PDE7B: variants seen among roughly 807,000 people sequenced by gnomAD.
PDE7B encodes the protein 3',5'-cyclic-AMP phosphodiesterase 7B.
In PDE7B, 29 loss-of-function variants were observed where a neutral mutation model predicts 56.2. The ratio of observed to expected loss-of-function variants is 0.52; its 90% CI spans 0.38 to 0.70. The LOEUF is 0.70. PDE7B is among the 30% of genes least tolerant of loss of function. The probability of loss-of-function intolerance (pLI) is 0.00; values close to 1 mark genes in which losing one functional copy is unlikely to be tolerated. For missense variants in PDE7B, 490 were observed against 565.0 expected, an observed-to-expected ratio of 0.87 and a Z score of 1.35; for synonymous variants, 197 against 196.9, an observed-to-expected ratio of 1.00 and a Z score of 0.00.
intron 8 of PDE7B, among the ~76,000 whole-genome samples, chr6:136,168,529 G>A (rs1171056714): frequency 2.6e-5 from 4 of 152,126 alleles, no homozygotes; most frequent in African/African-American, 9.7e-5. Flanking sequence ...AGTGATTAGG[G>A]AGAATGTAAA....
At chr6:135,898,856 A>G (rs1231047570) in intron 1 of PDE7B, among the ~76,000 whole-genome samples, 4 of 152,146 alleles carry the variant, frequency 2.6e-5, no homozygotes, top group Non-Finnish European at 5.9e-5. Flanking sequence ...TGGCAAATGT[A>G]TTAAACCTTT....
At chr6:136,011,365 T>G (rs1268165047) in intron 2 of PDE7B, among the ~76,000 whole-genome samples, 1 of 152,196 alleles carries the variant, frequency 6.6e-6, no homozygotes, top group Non-Finnish European at 1.5e-5. Context: ...CTTTGCAGAG[T>G]AAGACTGACT....
rs538583677 is a variant in PDE7B at position 135,865,605 on chromosome 6, G to A, written c.21+13586G>A. ...CATATACCTGGTTATTTTTGATGAA[G>A]CACTAGGCATTGTGTGTGTGTGTGT... On this transcript the variant is annotated intron_variant, in intron 1 of 12. Transcript: ENST00000308191. Among the ~76,000 whole-genome samples the A allele has an allele frequency of 9.9e-4, 147 of 148,614 alleles. 1 individual carries two copies. In the Middle Eastern group the frequency reaches 0.017, roughly 17 times the overall value.
intron 11 of PDE7B, among the ~76,000 whole-genome samples, 166 bp downstream of exon 11, chr6:136,181,489 C>T (rs9402793): frequency 0.04 from 6,051 of 152,044 alleles, 320 homozygotes; most frequent in Admixed American, 0.13. Context: ...AACCCTTTTT[C>T]GGAAAAAGTT....
intron 2 of PDE7B, among the ~76,000 whole-genome samples, chr6:136,016,050 C>G (rs1055198418): frequency 1.3e-5 from 2 of 152,074 alleles, no homozygotes. Context: ...AAGGAATTAA[C>G]TAGATTGTTA....
At chr6:135,866,790 C>A (rs932167261) in intron 1 of PDE7B, among the ~76,000 whole-genome samples, 19 of 152,120 alleles carry the variant, frequency 1.2e-4, no homozygotes, top group Admixed American at 1.1e-3. Flanking sequence ...GTCGTAAACA[C>A]ATAAAAGATT....
intron 2 of PDE7B, among the ~76,000 whole-genome samples, chr6:135,950,391 A>G (rs1350507755): frequency 6.6e-6 from 1 of 152,160 alleles, no homozygotes; most frequent in Admixed American, 6.6e-5. Context: ...CACACAAGAA[A>G]GTATAAGGAG....
intron 1 of PDE7B, among the ~76,000 whole-genome samples, chr6:135,906,682 G>A (rs1363944062): frequency 2.6e-5 from 4 of 152,078 alleles, no homozygotes; most frequent in Admixed American, 2.6e-4. Flanking sequence ...TAAATTCTCT[G>A]CAAGCACTTG....
chr6:136,158,045 GA>G lies in PDE7B; in HGVS notation c.711+2289del, dbSNP rs1778639009. ...TACTCTGCATTAAGTTATAGATGAG[GA>G]ACTGGCAGAAATCTTCAAGTTTTCA... On this transcript the variant is annotated intron_variant, in intron 8 of 12. Coordinates refer to ENST00000308191, the MANE Select transcript of PDE7B (RefSeq NM_018945.4). 3.3e-5 allele frequency among the ~76,000 whole-genome samples: 5 copies of G among 152,270 alleles called. No individual in the cohort carries two copies. In the South Asian group the frequency reaches 1.0e-3, roughly 32 times the overall value.
At chr6:135,905,179 A>C (rs1262314397) in intron 1 of PDE7B, among the ~76,000 whole-genome samples, 3 of 152,232 alleles carry the variant, frequency 2.0e-5, no homozygotes, top group Non-Finnish European at 4.4e-5. Flanking sequence ...AAAGAACTAA[A>C]AAATCAACCA....
In PDE7B at chr6:136,105,249, A is replaced by C. The variant is rs554238379; in HGVS notation, c.83-3482A>C. 2.0e-5 allele frequency among the ~76,000 whole-genome samples: 3 copies of C among 152,318 alleles called. No individual in the cohort carries two copies. In the East Asian group the frequency reaches 5.8e-4, roughly 29 times the overall value. The stretch of plus-strand genomic sequence containing the variant: ...TGGTATTCTTTTTCCACAAATCATC[A>C]TGACTGTACATTTGGTTTATCAGCA... On this transcript the variant is annotated intron_variant, in intron 2 of 12. Coordinates refer to ENST00000308191, the MANE Select transcript of PDE7B (RefSeq NM_018945.4).
At chr6:135,992,313 G>A (rs1775492831) in intron 2 of PDE7B, among the ~76,000 whole-genome samples, 1 of 152,054 alleles carries the variant, frequency 6.6e-6, no homozygotes, top group Admixed American at 6.5e-5. Context: ...TGCAGCCCTT[G>A]GGCCACGGAT....
chr6:135,945,069 T>G (rs2327663), intron 1 of PDE7B, among the ~76,000 whole-genome samples: 1 of 66,248 alleles, frequency 1.5e-5, no homozygotes, highest in Non-Finnish European at 3.6e-5. Context: ...ACACTTTCAC[T>G]TTAATCACTT....
intron 2 of PDE7B, among the ~76,000 whole-genome samples, chr6:136,108,125 C>CAAAAAAA (rs60727586): frequency 9.2e-5 from 10 of 108,616 alleles, no homozygotes; most frequent in Middle Eastern, 5.4e-3. Context: ...GACTCCATGT[C>CAAAAAAA]AAAAAAAAAA....
chr6:135,967,155 A>G (rs986741581), intron 2 of PDE7B, among the ~76,000 whole-genome samples: 1 of 152,114 alleles, frequency 6.6e-6, no homozygotes, highest in African/African-American at 2.4e-5. Flanking sequence ...AAAGTCTATA[A>G]TGGGTAGATT....
chr6:135,975,540 C>A (rs941356789), intron 2 of PDE7B, among the ~76,000 whole-genome samples: 1 of 144,492 alleles, frequency 6.9e-6, no homozygotes, highest in East Asian at 2.0e-4. Flanking sequence ...TCATCATAGA[C>A]AAGAATGTGT....
chr6:136,119,874 A>G (rs1440629150), intron 3 of PDE7B, among the ~76,000 whole-genome samples: 1 of 152,208 alleles, frequency 6.6e-6, no homozygotes, highest in Non-Finnish European at 1.5e-5. Flanking sequence ...ACCACTTGCA[A>G]AAAGAGAAAA....
At chr6:135,857,054 CTTCCTT>C (rs1775048061) in intron 1 of PDE7B, among the ~76,000 whole-genome samples, 1 of 143,530 alleles carries the variant, frequency 7.0e-6, no homozygotes, top group Admixed American at 6.9e-5. Context: ...CCCTCCCTCC[CTTCCTT>C]CCTCCCTTCC....
At chr6:136,144,958 AT>A (rs1294071358) in intron 3 of PDE7B, among the ~76,000 whole-genome samples, 16 of 151,896 alleles carry the variant, frequency 1.1e-4, no homozygotes, top group Non-Finnish European at 1.5e-5. Flanking sequence ...AAAACTACCC[AT>A]TTTTTTCTTC....
Sources: allele counts gnomAD v4.1 joint callset (sites outside exome capture counted in the v4.1 genomes callset), GRCh38; gene constraint gnomAD v4.1.1; transcripts MANE v1.5; gene names NCBI Gene and HGNC (gene_info 2026-07-23, HGNC 2026-07-21).